Variants in CSMD1 observed in about 807,000 individuals in gnomAD.
CSMD1 encodes the protein CUB and sushi domain-containing protein 1.
Under a neutral mutation model 417.5 loss-of-function variants are expected in CSMD1, and 213 were observed. The ratio of observed to expected loss-of-function variants is 0.51; its 90% CI spans 0.46 to 0.57. The LOEUF (loss-of-function observed/expected upper bound fraction) is 0.57, where lower values mean the gene tolerates loss of function less well. Ranked by LOEUF, CSMD1 falls within the 20% of genes least tolerant of loss-of-function variation. The pLI, the probability that CSMD1 is intolerant of heterozygous loss-of-function variation, is 0.00. For missense variants in CSMD1, 6,923 were observed against 4,529.7 expected (o/e 1.53, Z -15.17); for synonymous variants, 2,862 against 1,736.8 (o/e 1.65, Z -16.11).
intron 2 of CSMD1, among the ~76,000 whole-genome samples, chr8:4,434,988 T>C (rs998644624): frequency 6.6e-6 from 1 of 152,208 alleles, no homozygotes; most frequent in Non-Finnish European, 1.5e-5. Flanking sequence ...TAACTCATAT[T>C]TTGCATACTT....
chr8:3,368,395 G>A (rs1484082748), intron 19 of CSMD1, among the ~76,000 whole-genome samples: 1 of 152,078 alleles, frequency 6.6e-6, no homozygotes, highest in Non-Finnish European at 1.5e-5. Context: ...GGAGTACAGT[G>A]GCGCAATCTC....
At chr8:4,556,955 G>T (rs1798123175) in intron 2 of CSMD1, among the ~76,000 whole-genome samples, 1 of 152,096 alleles carries the variant, frequency 6.6e-6, no homozygotes, top group South Asian at 2.1e-4. Context: ...ACCTGTATCT[G>T]CTTTATGCTT....
At chr8:4,134,080 A>G (rs1449221152) in intron 3 of CSMD1, among the ~76,000 whole-genome samples, 1 of 152,236 alleles carries the variant, frequency 6.6e-6, no homozygotes, top group Non-Finnish European at 1.5e-5. Context: ...TATTATTATA[A>G]GATTATCAAC....
At chr8:4,873,758 C>G (rs1203332296) in intron 1 of CSMD1, among the ~76,000 whole-genome samples, 1 of 152,040 alleles carries the variant, frequency 6.6e-6, no homozygotes, top group African/African-American at 2.4e-5. Context: ...TATGTAGCAC[C>G]TATTTTATAG....
intron 3 of CSMD1, among the ~76,000 whole-genome samples, chr8:4,328,577 AT>A (rs1185483950): frequency 6.6e-6 from 1 of 152,134 alleles, no homozygotes; most frequent in African/African-American, 2.4e-5. Flanking sequence ...ATTTAAAAAA[AT>A]GAAAAAAAAT....
intron 2 of CSMD1, among the ~76,000 whole-genome samples, chr8:4,503,783 A>C (rs1408137736): frequency 6.6e-6 from 1 of 152,086 alleles, no homozygotes; most frequent in Non-Finnish European, 1.5e-5. Context: ...ACTATCAGGC[A>C]CTGTGACAAT....
intron 12 of CSMD1, among the ~76,000 whole-genome samples, chr8:3,451,696 C>A (rs570935793): frequency 1.3e-5 from 2 of 152,234 alleles, no homozygotes; most frequent in South Asian, 2.1e-4. Context: ...GGAACCAGTA[C>A]CATGCTGTTT....
At position 3,698,136 on chromosome 8, in the gene CSMD1, C is replaced by T. The variant is rs1488031859; in HGVS notation, c.1009+10278G>A. 3.3e-5 allele frequency among the ~76,000 whole-genome samples: 5 copies of T among 152,094 alleles called. No homozygotes were observed. In the East Asian group the frequency reaches 7.7e-4, roughly 23 times the overall value. On this transcript the variant is annotated intron_variant, in intron 7 of 69. Transcript: ENST00000635120. ...GTTTTGCTTCTAGTTCCCAGTGATG[C>T]TGTTCTCAAATCTATCTAGACAGCA...
At chr8:3,452,288 C>T (rs1204934768) in intron 12 of CSMD1, among the ~76,000 whole-genome samples, 1 of 152,170 alleles carries the variant, frequency 6.6e-6, no homozygotes, top group Non-Finnish European at 1.5e-5. Flanking sequence ...TTCCTCTTTT[C>T]CTAATTGAAT....
chr8:3,948,342 G>A (rs1001953771), intron 5 of CSMD1, among the ~76,000 whole-genome samples: 3 of 152,134 alleles, frequency 2.0e-5, no homozygotes, highest in Non-Finnish European at 4.4e-5. Context: ...TTGGGACAGA[G>A]GCTTTAATAA....
chr8:4,335,399 T>G (rs1033092052), intron 3 of CSMD1, among the ~76,000 whole-genome samples: 8 of 152,072 alleles, frequency 5.3e-5, no homozygotes, highest in Admixed American at 5.2e-4. Flanking sequence ...TACATTAACA[T>G]TGCACCATCT....
intron 3 of CSMD1, among the ~76,000 whole-genome samples, chr8:4,161,579 A>T (rs1161760965): frequency 6.6e-6 from 1 of 152,194 alleles, no homozygotes; most frequent in Admixed American, 6.5e-5. Flanking sequence ...AGAGTTCATC[A>T]AGCGGTACAT....
intron 1 of CSMD1, among the ~76,000 whole-genome samples, chr8:4,951,777 A>T (rs760359181): frequency 6.6e-6 from 1 of 151,776 alleles, no homozygotes; most frequent in African/African-American, 2.4e-5. Flanking sequence ...CCTTTCCTTA[A>T]TATCTCTGGT....
intron 5 of CSMD1, among the ~76,000 whole-genome samples, chr8:3,972,091 G>A (rs184689858): frequency 1.2e-4 from 19 of 152,148 alleles, no homozygotes; most frequent in African/African-American, 4.3e-4. Context: ...GGCTGATCCT[G>A]ACTTCCTGGG....
chr8:4,319,836 G>A (rs1040841510), intron 3 of CSMD1, among the ~76,000 whole-genome samples: 2 of 152,100 alleles, frequency 1.3e-5, no homozygotes, highest in African/African-American at 4.8e-5. Flanking sequence ...GTCTTCAGCT[G>A]AGAGCTCACC....
At chr8:4,445,866 C>T (rs1186880914) in intron 2 of CSMD1, among the ~76,000 whole-genome samples, 1 of 152,148 alleles carries the variant, frequency 6.6e-6, no homozygotes, top group African/African-American at 2.4e-5. Context: ...AGTGTTCTCC[C>T]GCTGGAGAAG....
chr8:3,768,634 T>C (rs1798411383), intron 5 of CSMD1, among the ~76,000 whole-genome samples: 2 of 152,320 alleles, frequency 1.3e-5, no homozygotes, highest in Non-Finnish European at 2.9e-5. Context: ...CCATATTTTA[T>C]TTTCACTTGC....
rs1294908713 is a variant in CSMD1 at position 4,516,022 on chromosome 8, G to A, written c.303-95957C>T. Among the ~76,000 whole-genome samples, 3 of 152,172 alleles carry A rather than the reference G, an allele frequency of 2.0e-5. No individual in the cohort carries two copies. In the East Asian group the frequency reaches 5.8e-4, roughly 29 times the overall value. ...TAAGACTTTGGAGTTGTAAGATCCT[G>A]TTGAGGACTGAGTTCTGTCTTCCCA... On this transcript the variant is annotated intron_variant, in intron 2 of 69. Transcript: ENST00000635120.
intron 1 of CSMD1, among the ~76,000 whole-genome samples, chr8:4,688,705 G>A (rs75412853): frequency 0.019 from 2,944 of 152,192 alleles, 92 homozygotes; most frequent in African/African-American, 0.065. Flanking sequence ...GATTCGTGTA[G>A]CACTCCACAA....
Sources: gnomAD v4.1 joint callset for allele counts (sites outside exome capture counted in the v4.1 genomes callset) on GRCh38, gnomAD v4.1.1 for gene constraint, MANE v1.5 for transcripts, NCBI Gene and HGNC (gene_info 2026-07-23, HGNC 2026-07-21) for gene names.